The following PTPRG variants were observed in gnomAD, a reference collection of about 807,000 sequenced individuals.
The protein encoded by PTPRG is receptor-type tyrosine-protein phosphatase gamma.
A neutral mutation model predicts 165.3 loss-of-function variants in PTPRG; 102 were observed. That is an observed-to-expected ratio of 0.62 (90% CI 0.53 to 0.73). The LOEUF (loss-of-function observed/expected upper bound fraction) is 0.73. PTPRG is among the 30% of genes least tolerant of loss of function. The probability of loss-of-function intolerance (pLI) is 0.00; values close to 1 mark genes in which losing one functional copy is unlikely to be tolerated. For synonymous variants in PTPRG, 675 were observed against 669.5 expected, an observed-to-expected ratio of 1.01 and a Z score of -0.13; for missense variants, 1,866 against 1,861.4, an observed-to-expected ratio of 1.00 and a Z score of -0.05.
chr3:61,934,879 C>A (rs1030727344), intron 2 of PTPRG, among the ~76,000 whole-genome samples: 3 of 152,146 alleles, frequency 2.0e-5, no homozygotes, highest in South Asian at 2.1e-4. Flanking sequence ...GTGTATCATG[C>A]CCCTGGTGCT....
intron 2 of PTPRG, among the ~76,000 whole-genome samples, chr3:61,782,512 C>G (rs2034575021): frequency 6.6e-6 from 1 of 152,170 alleles, no homozygotes; most frequent in African/African-American, 2.4e-5. Context: ...TTTCACTAAT[C>G]TTTGATTTTA....
intron 8 of PTPRG, among the ~76,000 whole-genome samples, chr3:62,188,048 T>C (rs1699708323): frequency 6.6e-6 from 1 of 152,138 alleles, no homozygotes; most frequent in African/African-American, 2.4e-5. Flanking sequence ...CGAGGAAATA[T>C]ACCCATGAGT....
At chr3:61,720,516 T>C (rs541202415) in intron 1 of PTPRG, among the ~76,000 whole-genome samples, 29 of 152,288 alleles carry the variant, frequency 1.9e-4, no homozygotes, top group African/African-American at 2.6e-4. Flanking sequence ...TCACAATATC[T>C]GAACACAGCC....
intron 2 of PTPRG, among the ~76,000 whole-genome samples, chr3:61,928,710 G>C (rs899478209): frequency 6.6e-6 from 1 of 151,944 alleles, no homozygotes; most frequent in Non-Finnish European, 1.5e-5. Context: ...TGTTTTAAAA[G>C]TTTAAATATA....
In PTPRG at chr3:62,237,016, G is replaced by A. The variant is rs1701049040; in HGVS notation, c.2375+5705G>A. Among the ~76,000 whole-genome samples, 1 of 152,086 alleles carries A rather than the reference G, an allele frequency of 6.6e-6. No homozygotes were observed. The highest frequency in any genetic ancestry group is 1.5e-5 in the Non-Finnish European group (1 of 68,026). The stretch of plus-strand genomic sequence containing the variant: ...TTGTTTGTTAATACAGCAGTGTTGT[G>A]TGGAATTCCAGACATTTCTAATGTT... On this transcript the variant is annotated intron_variant, in intron 14 of 29. Transcript: ENST00000474889. The surrounding 1 kb of genome is among the most constrained non-coding windows in gnomAD (Gnocchi z 4.5).
chr3:61,563,047 A>G (rs962276473), intron 1 of PTPRG, among the ~76,000 whole-genome samples: 2 of 151,632 alleles, frequency 1.3e-5, no homozygotes, highest in Admixed American at 6.6e-5. Flanking sequence ...GGTTTCGGAG[A>G]GATCCGTGTC....
intron 2 of PTPRG, among the ~76,000 whole-genome samples, chr3:61,863,193 T>C (rs1301802453): frequency 6.6e-6 from 1 of 152,188 alleles, no homozygotes; most frequent in Non-Finnish European, 1.5e-5. Flanking sequence ...CAGACGGGGC[T>C]TCCCCCTCTT....
At chr3:61,738,677 T>C (rs1195575525) in intron 1 of PTPRG, among the ~76,000 whole-genome samples, 1 of 152,012 alleles carries the variant, frequency 6.6e-6, no homozygotes, top group Non-Finnish European at 1.5e-5. Flanking sequence ...TTACACATTT[T>C]AAATGAAAGA....
intron 6 of PTPRG, among the ~76,000 whole-genome samples, chr3:62,141,124 T>C (rs969162899): frequency 6.6e-6 from 1 of 152,056 alleles, no homozygotes; most frequent in South Asian, 2.1e-4. Flanking sequence ...TACCAAATAG[T>C]CAAATATTAA....
At position 61,562,278 on chromosome 3, in the gene PTPRG, G is replaced by T. The variant is rs765595154; in HGVS notation, c.-10G>T. 2 of 1,612,902 alleles carry T rather than the reference G, an allele frequency of 1.2e-6. No individual in the cohort carries two copies. The highest frequency in any genetic ancestry group is 2.7e-5 in the African/African-American group (2 of 74,902). On this transcript the variant is annotated 5_prime_UTR_variant, in exon 1 of 30. Transcript: ENST00000474889. The stretch of plus-strand genomic sequence containing the variant: ...CCCTGCTTTCCTCTTTTCGATGTGC[G>T]TTTTCGGACATGCGGAGGTTACTGG...
At chr3:61,765,841 C>T (rs1411718107) in intron 2 of PTPRG, among the ~76,000 whole-genome samples, 2 of 152,136 alleles carry the variant, frequency 1.3e-5, no homozygotes, top group African/African-American at 2.4e-5. Context: ...TTTATCTACA[C>T]GTGTTATGGT....
At chr3:62,177,347 C>T (rs1458434071) in intron 8 of PTPRG, among the ~76,000 whole-genome samples, 1 of 152,112 alleles carries the variant, frequency 6.6e-6, no homozygotes, top group Non-Finnish European at 1.5e-5. Flanking sequence ...AGCCAGTGGC[C>T]TTTCAAATAA....
intron 28 of PTPRG, among the ~76,000 whole-genome samples, chr3:62,283,536 G>C (rs1702527525): frequency 6.6e-6 from 1 of 152,084 alleles, no homozygotes; most frequent in Non-Finnish European, 1.5e-5. Flanking sequence ...TGGCCTGTAA[G>C]TCAGTTGTAT....
intron 1 of PTPRG, among the ~76,000 whole-genome samples, chr3:61,670,396 C>T (rs1702937759): frequency 6.6e-6 from 1 of 152,166 alleles, no homozygotes; most frequent in South Asian, 2.1e-4. Flanking sequence ...TTCAGACATA[C>T]CTGAGTTACT....
chr3:61,708,788 AC>A (rs1206340028), intron 1 of PTPRG, among the ~76,000 whole-genome samples: 4 of 152,106 alleles, frequency 2.6e-5, no homozygotes, highest in Admixed American at 2.6e-4. Flanking sequence ...CAATGCATAA[AC>A]TTTTATTTCT....
At chr3:61,927,089 A>G (rs1431491975) in intron 2 of PTPRG, among the ~76,000 whole-genome samples, 1 of 152,208 alleles carries the variant, frequency 6.6e-6, no homozygotes, top group Admixed American at 6.5e-5. Context: ...TGAATTCAGG[A>G]AACTCCAGAG....
intron 2 of PTPRG, among the ~76,000 whole-genome samples, chr3:61,985,230 C>G (rs1219829410): frequency 6.6e-6 from 1 of 152,220 alleles, no homozygotes; most frequent in Non-Finnish European, 1.5e-5. Context: ...GTAAACTTCT[C>G]TGCACTGCAG....
chr3:62,103,421 G>A (rs1426508740), intron 5 of PTPRG, among the ~76,000 whole-genome samples: 1 of 152,144 alleles, frequency 6.6e-6, no homozygotes, highest in African/African-American at 2.4e-5. Context: ...TAAACTAAGA[G>A]CAAAATAAAA....
chr3:61,688,972 A>G (rs2029970651), intron 1 of PTPRG, among the ~76,000 whole-genome samples: 1 of 152,240 alleles, frequency 6.6e-6, no homozygotes. Flanking sequence ...CAGAGAGGGC[A>G]GAGGCTGAGG....
Sources: allele counts gnomAD v4.1 joint callset (sites outside exome capture counted in the v4.1 genomes callset), GRCh38; gene constraint gnomAD v4.1.1; non-coding constraint Gnocchi (gnomAD v3.1); transcripts MANE v1.5; gene names NCBI Gene and HGNC (gene_info 2026-07-23, HGNC 2026-07-21).